Variants in SAMD5 observed in about 807,000 individuals in gnomAD.
The protein encoded by SAMD5 is sterile alpha motif domain containing 5.
Under a neutral mutation model 11.3 loss-of-function variants are expected in SAMD5, and 13 were observed. The observed-to-expected ratio is 1.15, with a 90% CI of 0.75 to 1.83. The LOEUF (loss-of-function observed/expected upper bound fraction) is 1.83, where lower values mean the gene tolerates loss of function less well. Ranked by LOEUF, SAMD5 falls within the 40% of genes most tolerant of loss-of-function variation. SAMD5 has a pLI of 0.00. For missense variants in SAMD5, 255 were observed against 239.1 expected (o/e 1.07, Z -0.44); for synonymous variants, 129 against 111.3 (o/e 1.16, Z -1.00).
At chr6:147,751,862 AC>A in the SAMD5 span, among the ~76,000 whole-genome samples, 3 of 152,290 alleles carry the variant, frequency 2.0e-5, no homozygotes, top group East Asian at 5.8e-4. Context: ...GAACTGATTT[AC>A]AGGAAATACA....
chr6:147,663,053 C>G (rs1468261984), intron 1 of SAMD5, among the ~76,000 whole-genome samples: 1 of 152,122 alleles, frequency 6.6e-6, no homozygotes, highest in African/African-American at 2.4e-5. Flanking sequence ...TACCCCTATG[C>G]AATTAAGGCT....
intron 1 of SAMD5, among the ~76,000 whole-genome samples, chr6:147,589,934 A>C (rs1267540823): frequency 6.6e-6 from 1 of 152,170 alleles, no homozygotes; most frequent in Admixed American, 6.5e-5. Context: ...GATATTCTAA[A>C]TATGTGCATA....
the SAMD5 span, among the ~76,000 whole-genome samples, chr6:147,801,636 C>A: frequency 4.6e-5 from 7 of 152,174 alleles, no homozygotes; most frequent in African/African-American, 1.4e-4. Flanking sequence ...TAGCACAGGG[C>A]TGTTGTCCTT....
chr6:147,567,670 T>A lies in SAMD5; in HGVS notation c.*3214T>A. On this transcript the variant is annotated 3_prime_UTR_variant, in exon 2 of 2. Coordinates refer to ENST00000367474, the MANE Select transcript of SAMD5 (RefSeq NM_001030060.3). ...TCTCCCTTCCCTTCTTTACTCTCAG[T>A]TGTCTTATTTCTTCTTATGCAGAAG... 6 of 985,402 alleles carry A rather than the reference T, an allele frequency of 6.1e-6. No homozygotes were observed. The highest frequency in any genetic ancestry group is 7.2e-6 in the Non-Finnish European group (6 of 829,906). The allele number at this position is 985,402 out of a possible 1,614,324, so 61.0% of individuals were successfully genotyped here.
the SAMD5 span, among the ~76,000 whole-genome samples, chr6:147,930,472 C>T: frequency 3.9e-5 from 6 of 152,030 alleles, no homozygotes; most frequent in South Asian, 2.1e-4. Context: ...TCCTGACACA[C>T]GTTTCTATAA....
the SAMD5 span, among the ~76,000 whole-genome samples, chr6:147,859,031 T>C: frequency 3.3e-5 from 5 of 152,248 alleles, no homozygotes; most frequent in South Asian, 1.0e-3. Flanking sequence ...ATGAGGGAGT[T>C]TCTGTTTTTC....
chr6:147,593,274 C>A (rs573718139), intron 1 of SAMD5, among the ~76,000 whole-genome samples: 1 of 152,286 alleles, frequency 6.6e-6, no homozygotes, highest in African/African-American at 2.4e-5. Flanking sequence ...CCTATCCTAA[C>A]AGAGCTGAGA....
At chr6:147,720,223 A>G (rs911344714) in intron 1 of SAMD5, among the ~76,000 whole-genome samples, 1 of 152,184 alleles carries the variant, frequency 6.6e-6, no homozygotes, top group Admixed American at 6.5e-5. Flanking sequence ...GCACTTTGGG[A>G]GGCCAGGGCG....
At chr6:147,757,386 G>T in the SAMD5 span, among the ~76,000 whole-genome samples, 1 of 152,218 alleles carries the variant, frequency 6.6e-6, no homozygotes, top group Admixed American at 6.5e-5. Flanking sequence ...TCTAAGAATG[G>T]ACTGACATGT....
At chr6:147,785,085 T>C in the SAMD5 span, among the ~76,000 whole-genome samples, 5 of 152,208 alleles carry the variant, frequency 3.3e-5, no homozygotes, top group Admixed American at 1.3e-4. Context: ...TTATATCTAC[T>C]TATTTCTCAA....
intron 1 of SAMD5, among the ~76,000 whole-genome samples, chr6:147,640,497 C>CAAAAAAAAAAAAAAAAAAAAAAAAAAAAA (rs1172694444): frequency 1.2e-4 from 3 of 24,190 alleles, no homozygotes; most frequent in Non-Finnish European, 8.7e-5. Flanking sequence ...GACTCTGTCG[C>CAAAAAAAAAAAAAAAAAAAAAAAAAAAAA]AAAAAAAAAA....
chr6:147,919,766 TC>T, the SAMD5 span, among the ~76,000 whole-genome samples: 1 of 152,196 alleles, frequency 6.6e-6, no homozygotes, highest in Non-Finnish European at 1.5e-5. Context: ...TTCATGAGTA[TC>T]ATTCAAGGGA....
At chr6:147,826,443 C>T in the SAMD5 span, among the ~76,000 whole-genome samples, 1 of 152,148 alleles carries the variant, frequency 6.6e-6, no homozygotes, top group African/African-American at 2.4e-5. Flanking sequence ...TCAGCAGGCT[C>T]TCTTTAAAAG....
Position 147,566,683 on chromosome 6 carries a change from C to T in SAMD5, c.*2227C>T, listed in dbSNP as rs1446412682. 6.1e-5 allele frequency: 60 copies of T among 984,250 alleles called. No homozygotes were observed. Among genetic ancestry groups the T allele is most frequent in the Non-Finnish European group, 7.1e-5 (59 of 828,954 alleles). The allele number at this position is 984,250 out of a possible 1,614,324, so 61.0% of individuals were successfully genotyped here. ...AGAATTTGAAAATAACAATGCTCTG[C>T]TTAAAGTAAGAGTCACAGTCAGCAA... On this transcript the variant is annotated 3_prime_UTR_variant, in exon 2 of 2. Transcript: ENST00000367474.
the SAMD5 span, among the ~76,000 whole-genome samples, chr6:147,934,027 C>T: frequency 6.6e-6 from 1 of 152,126 alleles, no homozygotes; most frequent in African/African-American, 2.4e-5. Flanking sequence ...AATTTACTTT[C>T]CCCCCATAAA....
chr6:147,788,309 C>A, the SAMD5 span, among the ~76,000 whole-genome samples: 2 of 152,086 alleles, frequency 1.3e-5, no homozygotes, highest in Admixed American at 6.6e-5. Context: ...AGAGTTTATA[C>A]CACTAATAAA....
the SAMD5 span, among the ~76,000 whole-genome samples, chr6:147,792,953 A>T: frequency 6.6e-6 from 1 of 152,250 alleles, no homozygotes; most frequent in African/African-American, 2.4e-5. Flanking sequence ...AGACGAATAG[A>T]TACATCTCCC....
At chr6:147,796,103 G>T in the SAMD5 span, among the ~76,000 whole-genome samples, 1 of 148,576 alleles carries the variant, frequency 6.7e-6, no homozygotes, top group East Asian at 1.9e-4. Flanking sequence ...GTCTTTTGTT[G>T]CCATTGCTTT....
chr6:147,636,683 T>C (rs560538622), intron 1 of SAMD5, among the ~76,000 whole-genome samples: 40 of 152,302 alleles, frequency 2.6e-4, no homozygotes, highest in African/African-American at 9.1e-4. Context: ...CAGACAGACC[T>C]TGATGAAGAT....
Sources: gnomAD v4.1 joint callset for allele counts (sites outside exome capture counted in the v4.1 genomes callset) on GRCh38, gnomAD v4.1.1 for gene constraint, MANE v1.5 for transcripts, NCBI Gene and HGNC (gene_info 2026-07-23, HGNC 2026-07-21) for gene names.